The following RFX3 variants were observed in gnomAD, a reference collection of about 807,000 sequenced individuals.
The protein encoded by RFX3 is transcription factor RFX3.
Under a neutral mutation model 98.6 loss-of-function variants are expected in RFX3, and 14 were observed. That is an observed-to-expected ratio of 0.14 (90% CI 0.09 to 0.22). The LOEUF (loss-of-function observed/expected upper bound fraction) is 0.22, where lower values mean the gene tolerates loss of function less well. Among genes scored for constraint, RFX3 ranks in the 10% least tolerant of loss-of-function variants. The pLI is 1.00. For synonymous variants in RFX3, 383 were observed against 328.4 expected, an observed-to-expected ratio of 1.17 and a Z score of -1.80; for missense variants, 639 against 926.9, an observed-to-expected ratio of 0.69 and a Z score of 4.03.
At chr9:3,447,991 G>C (rs1241360638) in intron 1 of RFX3, among the ~76,000 whole-genome samples, 1 of 152,038 alleles carries the variant, frequency 6.6e-6, no homozygotes, top group African/African-American at 2.4e-5. Flanking sequence ...GGAAGACAAG[G>C]AATCACAAGC....
intron 1 of RFX3, among the ~76,000 whole-genome samples, chr9:3,436,951 T>A (rs35263663): frequency 0.14 from 21,026 of 151,810 alleles, 2,026 homozygotes; most frequent in African/African-American, 0.27. Context: ...TTAATTTTTT[T>A]AAAAAAAATT....
At chr9:3,475,846 C>T (rs1221184977) in intron 1 of RFX3, among the ~76,000 whole-genome samples, 1 of 152,118 alleles carries the variant, frequency 6.6e-6, no homozygotes, top group African/African-American at 2.4e-5. Context: ...CTAAACTCCC[C>T]TGGGGAAAGG....
At chr9:3,237,447 T>C (rs1436036490) in intron 15 of RFX3, among the ~76,000 whole-genome samples, 1 of 152,196 alleles carries the variant, frequency 6.6e-6, no homozygotes, top group Non-Finnish European at 1.5e-5. Context: ...TTTATCTTTG[T>C]ATGGTCCAAA....
At chr9:3,504,019 G>C (rs966149335) in intron 1 of RFX3, among the ~76,000 whole-genome samples, 2 of 150,862 alleles carry the variant, frequency 1.3e-5, no homozygotes, top group Non-Finnish European at 3.0e-5. Flanking sequence ...CTCCAACTTG[G>C]AAGCAGGTAG....
chr9:3,501,170 G>C (rs538141293), intron 1 of RFX3, among the ~76,000 whole-genome samples: 1 of 152,140 alleles, frequency 6.6e-6, no homozygotes, highest in African/African-American at 2.4e-5. Flanking sequence ...AGTTTTCTTG[G>C]ACTAGTAACA....
chr9:3,346,833 A>G (rs1587217914), intron 2 of RFX3, 69 bp from the exon 3 acceptor site: 1 of 919,614 alleles, frequency 1.1e-6, no homozygotes, highest in Non-Finnish European at 1.8e-6. Context: ...CATTAGATCT[A>G]TCTCAAAGGT....
In RFX3 at chr9:3,525,801, GGGA is replaced by G. The variant is rs957070006; in HGVS notation, c.-66_-64del. The G allele has an allele frequency of 4.0e-4, 261 of 650,210 alleles. No individual in the cohort carries two copies. The highest frequency in any genetic ancestry group is 7.3e-4 in the Middle Eastern group (1 of 1,366). The allele number at this position is 650,210 out of a possible 1,614,324, so 40.3% of individuals were successfully genotyped here. A position where few individuals can be genotyped will look rare whatever the true frequency, so the allele number is the denominator to read the frequency against. On this transcript the variant is annotated 5_prime_UTR_variant, in exon 1 of 17. Coordinates refer to ENST00000617270, the MANE Select transcript of RFX3 (RefSeq NM_001282116.2). ...GTGGGTGATGGAGATGGTGGTGGTG[GGGA>G]GGAGGAGGAGGAAGAGGAGGAGGAG... is the stretch of plus-strand genomic sequence containing the variant.
intron 1 of RFX3, among the ~76,000 whole-genome samples, chr9:3,415,216 CAT>C (rs142357988): frequency 0.23 from 31,170 of 137,254 alleles, 5,892 homozygotes; most frequent in African/African-American, 0.52. Flanking sequence ...TATACATACT[CAT>C]ATATATATAT....
At chr9:3,305,584 G>A (rs1351816841) in intron 4 of RFX3, among the ~76,000 whole-genome samples, 1 of 151,888 alleles carries the variant, frequency 6.6e-6, no homozygotes, top group Non-Finnish European at 1.5e-5. Context: ...GTAATAATGA[G>A]CCTTTGAAAT....
chr9:3,249,905 G>C (rs866631794), intron 14 of RFX3, among the ~76,000 whole-genome samples: 3 of 151,864 alleles, frequency 2.0e-5, no homozygotes, highest in Non-Finnish European at 4.4e-5. Context: ...TCTTAGAGTT[G>C]ACTACTTTAA....
Position 3,251,243 on chromosome 9 carries a change from A to G in RFX3, c.1815-3058T>C, listed in dbSNP as rs575255414. ...AAATATAGTTAAATAGCCTATGGTA[A>G]ACAACTGGATCCCAATTTTATTTAA... On this transcript the variant is annotated intron_variant, in intron 14 of 16. Transcript: ENST00000617270. Among the ~76,000 whole-genome samples the G allele has an allele frequency of 1.1e-4, 17 of 152,346 alleles. 2 individuals are homozygous for G. Among genetic ancestry groups the G allele is most frequent in the African/African-American group, 3.8e-4 (16 of 41,578 alleles).
chr9:3,503,595 T>C (rs1020507325), intron 1 of RFX3, among the ~76,000 whole-genome samples: 1 of 152,104 alleles, frequency 6.6e-6, no homozygotes, highest in Non-Finnish European at 1.5e-5. Context: ...AACCCCATTC[T>C]AAAAATATCA....
chr9:3,449,386 A>G (rs1165186809), intron 1 of RFX3, among the ~76,000 whole-genome samples: 1 of 152,146 alleles, frequency 6.6e-6, no homozygotes, highest in Non-Finnish European at 1.5e-5. Flanking sequence ...TCTATGCACT[A>G]GTCATGTTTG....
chr9:3,265,137 A>G (rs529448612), intron 12 of RFX3, among the ~76,000 whole-genome samples: 1 of 152,346 alleles, frequency 6.6e-6, no homozygotes, highest in East Asian at 1.9e-4. Flanking sequence ...TATGCTGCCT[A>G]ACATGGTAGC....
intron 7 of RFX3, among the ~76,000 whole-genome samples, chr9:3,280,498 C>G (rs1017176572): frequency 3.3e-5 from 5 of 151,738 alleles, no homozygotes; most frequent in African/African-American, 1.2e-4. Flanking sequence ...GGTACCCTAA[C>G]TAAGGAAAAT....
rs182699349 is a variant in RFX3, at chr9:3,484,813, A to G, written c.-9+40934T>C. On this transcript the variant is annotated intron_variant, in intron 1 of 16. Transcript: ENST00000617270. The stretch of plus-strand genomic sequence containing the variant: ...TAAATAGTAAACAAAGGCTGGGTGC[A>G]GTGGCTCAACCTGTAATCCTAACCC... Among the ~76,000 whole-genome samples, 427 of 152,274 alleles carry G rather than the reference A, an allele frequency of 2.8e-3. 3 individuals are homozygous for G. Among genetic ancestry groups the G allele is most frequent in the African/African-American group, 9.4e-3 (389 of 41,552 alleles).
chr9:3,323,596 G>A (rs1018849988), intron 4 of RFX3, among the ~76,000 whole-genome samples: 8 of 152,090 alleles, frequency 5.3e-5, no homozygotes, highest in African/African-American at 1.9e-4. Context: ...TAGAATTTAT[G>A]AGCATCATTA....
intron 1 of RFX3, among the ~76,000 whole-genome samples, chr9:3,504,288 AAT>A (rs1182217426): frequency 1.0e-5 from 1 of 100,216 alleles, no homozygotes; most frequent in Non-Finnish European, 1.7e-5. Flanking sequence ...TAACATATAA[AAT>A]ATATATTATA....
intron 3 of RFX3, among the ~76,000 whole-genome samples, chr9:3,336,507 G>C (rs1009563872): frequency 6.6e-6 from 1 of 151,990 alleles, no homozygotes; most frequent in African/African-American, 2.4e-5. Flanking sequence ...TATTTAGATT[G>C]AAACTAAAAG....
Sources: gnomAD v4.1 joint callset for allele counts (sites outside exome capture counted in the v4.1 genomes callset) on GRCh38, gnomAD v4.1.1 for gene constraint, MANE v1.5 for transcripts, NCBI Gene and HGNC (gene_info 2026-07-23, HGNC 2026-07-21) for gene names.